Variants in MALT1 observed in about 807,000 individuals in gnomAD.
The protein encoded by MALT1 is mucosa-associated lymphoid tissue lymphoma translocation protein 1.
MALT1 carries 36 observed loss-of-function variants against 85.5 expected under a neutral mutation model. The ratio of observed to expected loss-of-function variants is 0.42; its 90% confidence interval spans 0.32 to 0.56. The LOEUF is 0.56. Ranked by LOEUF, MALT1 falls within the 20% of genes least tolerant of loss-of-function variation. The pLI is 0.10. For synonymous variants in MALT1, 359 were observed against 361.3 expected (o/e 0.99, Z 0.07); for missense variants, 716 against 981.6 (o/e 0.73, Z 3.62).
rs2055343293 is a variant in MALT1, at chr18:58,744,609, T to A, written c.1911+114T>A. ...TAAAGGAAATATATATATTTATATATGTGTATATATTTATAGTTTAGTAAC... is the reference window on the plus strand; with the variant it reads ...TAAAGGAAATATATATATTTATATAAGTGTATATATTTATAGTTTAGTAAC... On this transcript the variant is annotated intron_variant, in intron 15 of 16. Coordinates refer to ENST00000649217, the MANE Select transcript of MALT1 (RefSeq NM_006785.4). 4 of 404,484 alleles carry A rather than the reference T, an allele frequency of 9.9e-6. No homozygotes were observed. The South Asian group carries it at 2.5e-4, about 26-fold the overall frequency. The allele number at this position is 404,484 out of a possible 1,614,324, so 25.1% of individuals were successfully genotyped here.
chr18:58,700,251 A>C (rs2054652549), intron 3 of MALT1, among the ~76,000 whole-genome samples, 190 bp from the exon 4 acceptor site: 1 of 152,226 alleles, frequency 6.6e-6, no homozygotes, highest in Non-Finnish European at 1.5e-5. Flanking sequence ...TTTGTAAAAG[A>C]CTGGATTTTT....
Position 58,723,047 on chromosome 18 carries a change from G to C in MALT1, c.1019-1G>C. 6.3e-7 allele frequency: 1 copy of C among 1,594,624 alleles called. No homozygotes were observed. ...ACACCCCCTTTCTTTTTTTTTCAAA[G>C]CGAAGGACAAGGTTGCCCTTTTGAT... On this transcript the variant is annotated splice_acceptor_variant, in intron 9 of 16. Transcript: ENST00000649217. LOFTEE classifies it high-confidence loss of function.
At chr18:58,681,068 C>A in intron 1 of MALT1, 102 bp from the exon 2 acceptor site, 1 of 917,790 alleles carries the variant, frequency 1.1e-6, no homozygotes, top group Non-Finnish European at 1.6e-6. Context: ...CCCACCCACT[C>A]ACTTGTGATT....
In MALT1 at chr18:58,750,618, A is replaced by G. The variant is rs890867510; in HGVS notation, c.*2776A>G. On this transcript the variant is annotated 3_prime_UTR_variant, in exon 17 of 17. Coordinates refer to ENST00000649217, the MANE Select transcript of MALT1 (RefSeq NM_006785.4). Reference sequence around the variant, plus strand: ...ACTTGTTTTCAACAAGGATGCCAATACCATCAATAGAGAAGGAGTGGTCTT... The same window carrying G: ...ACTTGTTTTCAACAAGGATGCCAATGCCATCAATAGAGAAGGAGTGGTCTT... 9.2e-5 allele frequency: 14 copies of G among 152,206 alleles called. No individual in the cohort carries two copies. Among genetic ancestry groups the G allele is most frequent in the African/African-American group, 2.9e-4 (12 of 41,458 alleles). The allele number at this position is 152,206 out of a possible 1,614,324, so 9.4% of individuals were successfully genotyped here.
At chr18:58,690,605 C>A in intron 2 of MALT1, 1 of 158,084 alleles carries the variant, frequency 6.3e-6, no homozygotes. Flanking sequence ...GTAGAAACAC[C>A]CAAAATTCTG....
At position 58,753,679 on chromosome 18, in the gene MALT1, T is replaced by C. The variant is rs2055476870; in HGVS notation, c.*5837T>C. The C allele has an allele frequency of 6.6e-6, 1 of 152,242 alleles. No individual in the cohort carries two copies. 9.4% of individuals were successfully genotyped at this position (152,242 alleles called of 1,614,324 possible). A position where few individuals can be genotyped will look rare whatever the true frequency, so the allele number is the denominator to read the frequency against. On this transcript the variant is annotated 3_prime_UTR_variant, in exon 17 of 17. Coordinates refer to ENST00000649217, the MANE Select transcript of MALT1 (RefSeq NM_006785.4). ...TATCTCTGGTGGGATAATTTTTCTTTGCTTGTTTACCTGTGTCTTGCAGAT... is the reference window on the plus strand; with the variant it reads ...TATCTCTGGTGGGATAATTTTTCTTCGCTTGTTTACCTGTGTCTTGCAGAT...
chr18:58,671,764 C>T lies in MALT1; in HGVS notation c.121C>T (p.Leu41Phe). 1 of 1,265,042 alleles carries T rather than the reference C, an allele frequency of 7.9e-7. No homozygotes were observed. Among genetic ancestry groups the T allele is most frequent in the Non-Finnish European group, 9.9e-7 (1 of 1,005,944 alleles). 78.4% of individuals were successfully genotyped at this position (1,265,042 alleles called of 1,614,324 possible). ...NRLREPLLRR[L>F]SELLDQAPEG... Reference sequence around the variant, plus strand: ...CCTGCGGGAGCCGCTGCTGCGGAGGCTCAGCGAGCTCCTGGATCAGGCGCC... The same window carrying T: ...CCTGCGGGAGCCGCTGCTGCGGAGGTTCAGCGAGCTCCTGGATCAGGCGCC... Residue 41 changes from leucine to phenylalanine, a missense_variant, in exon 1 of 17, where the codon CTC (leucine) becomes TTC (phenylalanine). Transcript: ENST00000649217.
In MALT1 at chr18:58,747,860, G is replaced by A. The variant is rs201690819; in HGVS notation, c.*18G>A. On this transcript the variant is annotated 3_prime_UTR_variant, in exon 17 of 17. Transcript: ENST00000649217. ...AAAAATGACCTCCTTGTTTTTGAAA[G>A]TTAGCATAATTTTAGATGCCTGTGA... The A allele has an allele frequency of 9.8e-5, 156 of 1,599,826 alleles. No homozygotes were observed. In the African/African-American group the frequency reaches 1.1e-3, roughly 11 times the overall value.
chr18:58,737,664 C>T (rs1481414706), intron 13 of MALT1, among the ~76,000 whole-genome samples: 4 of 152,228 alleles, frequency 2.6e-5, no homozygotes, highest in East Asian at 1.9e-4. Context: ...CTTACTGCAA[C>T]GTCCACCTCC....
chr18:58,712,412 A>T (rs1162830644), intron 7 of MALT1, among the ~76,000 whole-genome samples: 2 of 152,222 alleles, frequency 1.3e-5, no homozygotes, highest in Non-Finnish European at 2.9e-5. Context: ...AGCCACATGG[A>T]TGGAACAGTC....
intron 10 of MALT1, among the ~76,000 whole-genome samples, chr18:58,728,320 T>C (rs1232529199): frequency 1.3e-5 from 2 of 152,142 alleles, no homozygotes; most frequent in Non-Finnish European, 2.9e-5. Context: ...ACAACAACGA[T>C]TTGGGCCACA....
At chr18:58,723,291 ATTC>A in intron 10 of MALT1, 40 bp downstream of exon 10, 1 of 1,449,840 alleles carries the variant, frequency 6.9e-7, no homozygotes, top group Non-Finnish European at 9.6e-7. Context: ...ATTATCCATT[ATTC>A]TTTTCATTAT....
intron 1 of MALT1, chr18:58,677,578 G>C (rs1174994318): frequency 6.6e-6 from 1 of 152,118 alleles, no homozygotes; most frequent in African/African-American, 2.4e-5. Context: ...CTAACAGGCA[G>C]CTTCACCTTT....
chr18:58,692,501 T>C (rs11876882), intron 2 of MALT1, among the ~76,000 whole-genome samples: 53,369 of 141,396 alleles, frequency 0.38, 10,713 homozygotes, highest in African/African-American at 0.55. Context: ...CCACTCCCTC[T>C]TTGGGCCTCC....
chr18:58,744,936 A>C (rs555484625), intron 15 of MALT1, among the ~76,000 whole-genome samples: 4 of 151,930 alleles, frequency 2.6e-5, no homozygotes, highest in African/African-American at 9.7e-5. Flanking sequence ...TGGTCTAAAG[A>C]AGCCAGTAAA....
At chr18:58,709,312 TTTAA>T in intron 4 of MALT1, 62 bp from the exon 5 acceptor site, 1 of 1,138,956 alleles carries the variant, frequency 8.8e-7, no homozygotes, top group East Asian at 2.7e-5. Context: ...GACACATCTC[TTTAA>T]TTATAGGGAA....
rs116827579 is a variant in MALT1, at chr18:58,703,463, A to G, written c.649+2872A>G. Among the ~76,000 whole-genome samples the G allele has an allele frequency of 8.0e-3, 1,224 of 152,284 alleles. 25 individuals are homozygous for G. The highest frequency in any genetic ancestry group is 0.029 in the African/African-American group (1,184 of 41,540). ...TAGAGGTACTATCTGAGACTGGGTA[A>G]TTTATAAACAGAAGAGTTTTAATTG... On this transcript the variant is annotated intron_variant, in intron 4 of 16. Transcript: ENST00000649217.
At chr18:58,742,806 A>G (rs1437128918) in intron 14 of MALT1, among the ~76,000 whole-genome samples, 2 of 152,230 alleles carry the variant, frequency 1.3e-5, no homozygotes, top group Non-Finnish European at 2.9e-5. Flanking sequence ...AGTCCTCTGT[A>G]CTTTTGATTA....
intron 10 of MALT1, among the ~76,000 whole-genome samples, chr18:58,728,915 C>T (rs1049652577): frequency 1.3e-5 from 2 of 152,072 alleles, no homozygotes; most frequent in East Asian, 1.9e-4. Flanking sequence ...TGGAGCCAGA[C>T]GTATTACCTG....
Sources: gnomAD v4.1 joint callset for allele counts (sites outside exome capture counted in the v4.1 genomes callset) on GRCh38, gnomAD v4.1.1 for gene constraint, MANE v1.5 for transcripts, NCBI Gene and HGNC (gene_info 2026-07-23, HGNC 2026-07-21) for gene names.